Variants in CDC20B observed in about 807,000 individuals in gnomAD.
CDC20B encodes the protein cell division cycle protein 20 homolog B.
CDC20B carries 58 observed loss-of-function variants against 64.1 expected under a neutral mutation model. That is an observed-to-expected ratio of 0.90 (90% CI 0.73 to 1.13). The LOEUF is 1.13. Ranked by LOEUF, CDC20B falls within the 50% of genes most tolerant of loss-of-function variation. The pLI is 0.00. For synonymous variants in CDC20B, 243 were observed against 230.6 expected, an observed-to-expected ratio of 1.05 and a Z score of -0.49; for missense variants, 597 against 633.0, an observed-to-expected ratio of 0.94 and a Z score of 0.61.
At chr5:55,141,953 CTGAGT>C (rs1259138912) in intron 4 of CDC20B, among the ~76,000 whole-genome samples, 1 of 152,166 alleles carries the variant, frequency 6.6e-6, no homozygotes, top group Non-Finnish European at 1.5e-5. Context: ...TAAAATCACC[CTGAGT>C]TGAGAACCGT....
Position 55,124,888 on chromosome 5 carries a change from C to T in CDC20B, c.1130G>A (p.Gly377Glu). The change falls in exon 9 of 12, where the codon GGA (glycine) becomes GAA (glutamate). Residue 377 changes from glycine (G) to glutamate (E), a missense_variant. Gly to Glu is a moderately conservative substitution (Grantham distance 98). This residue lies in a region of CDC20B where 353 missense variants were observed against 397.0 expected (regional missense o/e 0.89). Transcript: ENST00000381375. ...GRLLSSGCSDGLLTIWPHDPG... is the reference protein window; with the variant it reads ...GRLLSSGCSDELLTIWPHDPG... ...ATCGTGGGGCCATATTGTCAGCAGT[C>T]CATCACTGCAGCCGCTGGAAAGCAG... 1 of 1,614,162 alleles carries T rather than the reference C, an allele frequency of 6.2e-7. No homozygotes were observed.
intron 4 of CDC20B, among the ~76,000 whole-genome samples, chr5:55,141,873 C>T (rs1315513460): frequency 6.6e-6 from 1 of 152,154 alleles, no homozygotes; most frequent in Non-Finnish European, 1.5e-5. Flanking sequence ...GGCCTTCACC[C>T]ACAAGATGCT....
chr5:55,160,827 C>G, intron 2 of CDC20B: 1 of 637,624 alleles, frequency 1.6e-6, no homozygotes, highest in South Asian at 2.4e-5. Context: ...TTAACCCAGG[C>G]ATCTAGGTTA....
At chr5:55,152,493 G>A (rs1003257789) in intron 2 of CDC20B, among the ~76,000 whole-genome samples, 4 of 152,194 alleles carry the variant, frequency 2.6e-5, no homozygotes, top group African/African-American at 9.7e-5. Flanking sequence ...TCAGAATACA[G>A]AGTTGGAAGA....
intron 6 of CDC20B, among the ~76,000 whole-genome samples, chr5:55,129,930 A>G (rs1459756344): frequency 6.6e-6 from 1 of 152,244 alleles, no homozygotes; most frequent in East Asian, 1.9e-4. Context: ...ATATCCAGAC[A>G]CAATTCAAAA....
chr5:55,144,694 G>A (rs1242288391), intron 3 of CDC20B, among the ~76,000 whole-genome samples: 1 of 152,200 alleles, frequency 6.6e-6, no homozygotes, highest in Non-Finnish European at 1.5e-5. Flanking sequence ...GGGAGAAAAA[G>A]CCAGCTCTCA....
chr5:55,171,854 C>T (rs943430399), intron 2 of CDC20B, among the ~76,000 whole-genome samples: 16 of 152,178 alleles, frequency 1.1e-4, no homozygotes, highest in African/African-American at 3.6e-4. Flanking sequence ...ATCCTCCTGC[C>T]TCAGCATCCC....
In CDC20B at chr5:55,119,892, C is replaced by A. The variant is rs1445196387; in HGVS notation, c.1368G>T (p.Lys456Asn). The change falls in exon 11 of 12, where the codon AAG (lysine) becomes AAT (asparagine). Residue 456 changes from lysine to asparagine, a missense_variant. Physicochemically the swap from Lys to Asn is moderately conservative, Grantham distance 94 (BLOSUM62 0). Transcript: ENST00000381375. ...SQICSLIWLP[K>N]TKEIATGQGT... is the part of the protein sequence containing the mutation. ...CTTGACCAGTTGCAATCTCCTTTGT[C>A]TTAGGTAGCCAGATTAAGGAACAAA... 3.1e-6 allele frequency: 5 copies of A among 1,613,184 alleles called. No individual in the cohort carries two copies. The highest frequency in any genetic ancestry group is 4.2e-6 in the Non-Finnish European group (5 of 1,179,316).
At chr5:55,140,526 T>C (rs1055268429) in intron 4 of CDC20B, 119 bp from the exon 5 acceptor site, 1 of 605,132 alleles carries the variant, frequency 1.7e-6, no homozygotes, top group Non-Finnish European at 2.9e-6. Context: ...AGATTCCACA[T>C]TGTCAAAGCC....
intron 2 of CDC20B, among the ~76,000 whole-genome samples, chr5:55,147,083 C>A (rs1202917476): frequency 7.0e-6 from 1 of 142,310 alleles, no homozygotes; most frequent in Non-Finnish European, 1.5e-5. Flanking sequence ...ATTATATAAA[C>A]ATAAATATGT....
chr5:55,134,304 A>G (rs1263505119), intron 5 of CDC20B, among the ~76,000 whole-genome samples: 1 of 152,206 alleles, frequency 6.6e-6, no homozygotes, highest in African/African-American at 2.4e-5. Flanking sequence ...GAGCTTCACA[A>G]TGCTACACCA....
At chr5:55,159,086 G>A (rs559129976) in intron 2 of CDC20B, among the ~76,000 whole-genome samples, 2 of 152,020 alleles carry the variant, frequency 1.3e-5, no homozygotes, top group Non-Finnish European at 2.9e-5. Context: ...CTACAAACAC[G>A]ACTCACTGCA....
chr5:55,172,749 CTTTTTTTTTTTTTTTT>C, intron 1 of CDC20B, 99 bp from the exon 2 acceptor site: 1 of 534,664 alleles, frequency 1.9e-6, no homozygotes, highest in Non-Finnish European at 3.1e-6. Flanking sequence ...TCAGATTACA[CTTTTTTTTTTTTTTTT>C]TTTTTTTTTT....
In CDC20B at chr5:55,143,776, T is replaced by C. The variant is rs542431799; in HGVS notation, c.356-133A>G. ...CAGGCTCTCGTCACTCCAAAGTCCA[T>C]TGCAGAGAGCAGGACAGAGTGAAAA... On this transcript the variant is annotated intron_variant, in intron 3 of 11. Transcript: ENST00000381375. 9.7e-6 allele frequency: 8 copies of C among 825,332 alleles called. No individual in the cohort carries two copies. In the South Asian group the frequency reaches 1.5e-4, roughly 16 times the overall value. The allele number at this position is 825,332 out of a possible 1,614,324, so 51.1% of individuals were successfully genotyped here.
rs764463657 is a variant in CDC20B, at chr5:55,172,637, C to G, written c.77G>C (p.Arg26Pro). 3.1e-6 allele frequency: 5 copies of G among 1,611,750 alleles called. No homozygotes were observed. Among genetic ancestry groups the G allele is most frequent in the African/African-American group, 1.3e-5 (1 of 74,912 alleles). The change falls in exon 2 of 12, where the codon CGT (arginine) becomes CCT (proline). Residue 26 changes from arginine (R) to proline (P), a missense_variant. By Grantham distance (103) the Arg-to-Pro change is moderately radical. Transcript: ENST00000381375. Reference protein sequence around the residue: ...EEEMLWESIMRVLSKDLKQKR... With the variant: ...EEEMLWESIMPVLSKDLKQKR... ...CTGCTTCAAGTCTTTGGAGAGCACA[C>G]GCATGATACTTTCCTTTGAAAACAC...
At chr5:55,139,651 T>C (rs779946420) in intron 5 of CDC20B, among the ~76,000 whole-genome samples, 58 of 152,208 alleles carry the variant, frequency 3.8e-4, no homozygotes, top group Non-Finnish European at 1.8e-4. Flanking sequence ...TGTGTAGTAA[T>C]ATGATGTAAA....
At chr5:55,159,884 AG>A (rs1215188700) in intron 2 of CDC20B, among the ~76,000 whole-genome samples, 4 of 152,214 alleles carry the variant, frequency 2.6e-5, no homozygotes. Flanking sequence ...GTAGCTTTCG[AG>A]TTACAAGAGC....
Position 55,172,989 on chromosome 5 carries a change from T to A in CDC20B, c.12A>T (p.Lys4Asn). Residue 4 changes from lysine to asparagine, a missense_variant, in exon 1 of 12, where the codon AAA becomes AAT. Physicochemically the swap from Lys to Asn is moderately conservative, Grantham distance 94. This residue lies in a region of CDC20B where 241 missense variants were observed against 219.2 expected (regional missense o/e 1.10). Coordinates refer to ENST00000381375, the MANE Select transcript of CDC20B (RefSeq NM_001170402.1). The part of the protein sequence containing the change: MEW[K>N]LERTAPRRVR... ...CCCTCCGAGGCGCGGTGCGCTCCAGTTTCCACTCCATCTCCGGCTGACTTC... is the reference window on the plus strand; with the variant it reads ...CCCTCCGAGGCGCGGTGCGCTCCAGATTCCACTCCATCTCCGGCTGACTTC... The A allele has an allele frequency of 6.2e-7, 1 of 1,611,556 alleles. No individual in the cohort carries two copies.
rs571337142 is a variant in CDC20B, at chr5:55,119,565, T to C, written c.1459+236A>G. On this transcript the variant is annotated intron_variant, in intron 11 of 11. Coordinates refer to ENST00000381375, the MANE Select transcript of CDC20B (RefSeq NM_001170402.1). Reference sequence around the variant, plus strand: ...CTGCCCAAGATCACCACTCCATCATTCATATACATATGCAAGGAGGAGATG... The same window carrying C: ...CTGCCCAAGATCACCACTCCATCATCCATATACATATGCAAGGAGGAGATG... 4.6e-5 allele frequency among the ~76,000 whole-genome samples: 7 copies of C among 152,304 alleles called. No homozygotes were observed. The South Asian group carries it at 1.5e-3, about 32-fold the overall frequency.
Sources: allele counts gnomAD v4.1 joint callset (sites outside exome capture counted in the v4.1 genomes callset), GRCh38; gene constraint gnomAD v4.1.1; regional missense constraint gnomAD v4.1.1; transcripts MANE v1.5; gene names NCBI Gene and HGNC (gene_info 2026-07-23, HGNC 2026-07-21).